ANKRD13C: variants seen among roughly 807,000 people sequenced by gnomAD.
ANKRD13C encodes the protein ankyrin repeat domain 13C.
Under a neutral mutation model 65.5 loss-of-function variants are expected in ANKRD13C, and 16 were observed. The observed-to-expected ratio is 0.24, with a 90% CI of 0.17 to 0.37. The LOEUF is 0.37. ANKRD13C is among the 10% of genes least tolerant of loss of function. The probability of loss-of-function intolerance (pLI) is 1.00; values close to 1 mark genes in which losing one functional copy is unlikely to be tolerated. For missense variants in ANKRD13C, 503 were observed against 655.9 expected, an observed-to-expected ratio of 0.77 and a Z score of 2.55; for synonymous variants, 235 against 238.7, an observed-to-expected ratio of 0.98 and a Z score of 0.14.
At chr1:70,323,906 A>G (rs1295953960) in intron 3 of ANKRD13C, among the ~76,000 whole-genome samples, 1 of 151,558 alleles carries the variant, frequency 6.6e-6, no homozygotes, top group Non-Finnish European at 1.5e-5. Flanking sequence ...TTGTATTTTT[A>G]GTAGAGACGG....
At chr1:70,342,395 G>A (rs1413736616) in intron 1 of ANKRD13C, among the ~76,000 whole-genome samples, 12 of 151,960 alleles carry the variant, frequency 7.9e-5, no homozygotes, top group Admixed American at 1.3e-4. Flanking sequence ...AAAATTAGCC[G>A]GGCATGGTGG....
intron 1 of ANKRD13C, among the ~76,000 whole-genome samples, chr1:70,342,847 A>G (rs1354440153): frequency 6.6e-6 from 1 of 152,104 alleles, no homozygotes; most frequent in Non-Finnish European, 1.5e-5. Context: ...TTAACAATGT[A>G]TCCTTTTATT....
intron 2 of ANKRD13C, among the ~76,000 whole-genome samples, chr1:70,331,112 C>T (rs1277558446): frequency 1.3e-5 from 2 of 152,174 alleles, no homozygotes; most frequent in South Asian, 2.1e-4. Context: ...ATTACGTGAA[C>T]GCCCTGGGAA....
Position 70,295,047 on chromosome 1 carries a change from T to G in ANKRD13C, c.1053+1083A>C, listed in dbSNP as rs1041566326. On this transcript the variant is annotated intron_variant, in intron 8 of 12. Coordinates refer to ENST00000370944, the MANE Select transcript of ANKRD13C (RefSeq NM_030816.5). The stretch of plus-strand genomic sequence containing the variant: ...CTCCCCTTCTATCTACTGGTTTTGT[T>G]TCTCAGAGAACCCTAATAATGCTAT... 2.6e-5 allele frequency among the ~76,000 whole-genome samples: 4 copies of G among 152,192 alleles called. No individual in the cohort carries two copies. In the East Asian group the frequency reaches 7.7e-4, roughly 29 times the overall value.
At position 70,309,726 on chromosome 1, in the gene ANKRD13C, A is replaced by AT. The variant is rs1207477325; in HGVS notation, c.710-3437_710-3436insA. On this transcript the variant is annotated intron_variant, in intron 5 of 12. Transcript: ENST00000370944. ...GCCAGACTCCGTCGCAAAAAAAAAA[A>AT]AAAAAAAATAATAATAATAATAATA... 2.0e-3 allele frequency among the ~76,000 whole-genome samples: 282 copies of AT among 142,198 alleles called. 1 individual carries two copies. Among genetic ancestry groups the AT allele is most frequent in the South Asian group, 0.014 (60 of 4,212 alleles). 93.3% of individuals were successfully genotyped at this position (142,198 alleles called of 152,430 possible).
intron 2 of ANKRD13C, among the ~76,000 whole-genome samples, chr1:70,328,816 G>T (rs2101557979): frequency 6.6e-6 from 1 of 152,038 alleles, no homozygotes; most frequent in African/African-American, 2.4e-5. Context: ...TTGGGAAGGG[G>T]ATTAGTAAGA....
intron 5 of ANKRD13C, among the ~76,000 whole-genome samples, chr1:70,307,039 T>C (rs987391909): frequency 6.6e-6 from 1 of 152,146 alleles, no homozygotes; most frequent in Non-Finnish European, 1.5e-5. Flanking sequence ...ATTAAGACCA[T>C]ATCAGAGGTA....
At chr1:70,292,695 A>C in intron 8 of ANKRD13C, 146 bp from the exon 9 acceptor site, 1 of 622,088 alleles carries the variant, frequency 1.6e-6, no homozygotes. Flanking sequence ...TACATTTTCT[A>C]GGTTATACAA....
intron 2 of ANKRD13C, among the ~76,000 whole-genome samples, chr1:70,329,095 G>A (rs1324808446): frequency 6.6e-6 from 1 of 152,104 alleles, no homozygotes; most frequent in East Asian, 1.9e-4. Context: ...TAAAGAGTAC[G>A]ATATGAAGGG....
At chr1:70,285,872 G>A (rs1222959384) in intron 9 of ANKRD13C, among the ~76,000 whole-genome samples, 1 of 152,044 alleles carries the variant, frequency 6.6e-6, no homozygotes, top group South Asian at 2.1e-4. Context: ...TGATCTGCCT[G>A]CCACCACCGT....
intron 3 of ANKRD13C, among the ~76,000 whole-genome samples, chr1:70,323,807 C>A (rs996360846): frequency 6.6e-6 from 1 of 151,362 alleles, no homozygotes; most frequent in African/African-American, 2.4e-5. Context: ...TCACTGCAAC[C>A]TCCGCCTCCC....
intron 5 of ANKRD13C, among the ~76,000 whole-genome samples, chr1:70,309,231 G>A (rs911833659): frequency 1.3e-5 from 2 of 151,044 alleles, no homozygotes; most frequent in Non-Finnish European, 3.0e-5. Context: ...CCCCTACCAT[G>A]TCCACCTAAT....
At chr1:70,319,327 G>C (rs1223934235) in intron 3 of ANKRD13C, among the ~76,000 whole-genome samples, 1 of 151,872 alleles carries the variant, frequency 6.6e-6, no homozygotes, top group East Asian at 1.9e-4. Flanking sequence ...GCCAAATACA[G>C]GGGCACGGTG....
At chr1:70,319,562 G>A (rs6669932) in intron 3 of ANKRD13C, among the ~76,000 whole-genome samples, 3,866 of 144,900 alleles carry the variant, frequency 0.027, 151 homozygotes, top group African/African-American at 0.095. Context: ...AGCCAAGATC[G>A]CGCCATTGCA....
rs1045834345 is a variant in ANKRD13C at position 70,262,496 on chromosome 1, T to C, written c.*221A>G. ...GTCATTAATGTGTCAAACTATTACA[T>C]TTATAATATGTATATTTTTAAAAAG... On this transcript the variant is annotated 3_prime_UTR_variant, in exon 13 of 13. Coordinates refer to ENST00000370944, the MANE Select transcript of ANKRD13C (RefSeq NM_030816.5). 9.2e-6 allele frequency: 3 copies of C among 324,958 alleles called. No homozygotes were observed. Among genetic ancestry groups the C allele is most frequent in the Non-Finnish European group, 1.1e-5 (2 of 176,366 alleles). The allele number at this position is 324,958 out of a possible 1,614,324, so 20.1% of individuals were successfully genotyped here.
Position 70,354,673 on chromosome 1 carries a change from C to A in ANKRD13C, c.-265G>T. ...ATCTCAGTCTCGCCGTCGCAGCCGC[C>A]GTCGCTGCCTTACACCGAAAAACAG... On this transcript the variant is annotated 5_prime_UTR_variant, in exon 1 of 13. Transcript: ENST00000370944. The A allele has an allele frequency of 1.2e-6, 1 of 837,236 alleles. No homozygotes were observed. 51.9% of individuals were successfully genotyped at this position (837,236 alleles called of 1,614,324 possible). A position where few individuals can be genotyped will look rare whatever the true frequency, so the allele number is the denominator to read the frequency against.
chr1:70,338,557 G>A (rs1393957243), intron 1 of ANKRD13C, among the ~76,000 whole-genome samples: 1 of 151,954 alleles, frequency 6.6e-6, no homozygotes, highest in Non-Finnish European at 1.5e-5. Context: ...GTACCACTAC[G>A]CCCGGCTACT....
chr1:70,315,743 A>G (rs1681046931), intron 3 of ANKRD13C, among the ~76,000 whole-genome samples, 177 bp from the exon 4 acceptor site: 1 of 152,194 alleles, frequency 6.6e-6, no homozygotes, highest in Non-Finnish European at 1.5e-5. Flanking sequence ...CCAAAAATCA[A>G]AGAGCAATGT....
At chr1:70,301,754 A>G (rs1312889590) in intron 6 of ANKRD13C, among the ~76,000 whole-genome samples, 1 of 152,232 alleles carries the variant, frequency 6.6e-6, no homozygotes, top group Non-Finnish European at 1.5e-5. Context: ...GTATTCCACA[A>G]AGCACTACTT....
Sources: gnomAD v4.1 joint callset for allele counts (sites outside exome capture counted in the v4.1 genomes callset) on GRCh38, gnomAD v4.1.1 for gene constraint, MANE v1.5 for transcripts, NCBI Gene and HGNC (gene_info 2026-07-23, HGNC 2026-07-21) for gene names.